MATN4: variants seen among roughly 807,000 people sequenced by gnomAD.
MATN4 encodes the protein matrilin-4.
Under a neutral mutation model 54.6 loss-of-function variants are expected in MATN4, and 40 were observed. The ratio of observed to expected loss-of-function variants is 0.73; its 90% CI spans 0.57 to 0.95. MATN4 has a LOEUF of 0.95. MATN4 is among the 40% of genes least tolerant of loss of function. The pLI is 0.00. For missense variants in MATN4, 810 were observed against 819.1 expected (o/e 0.99, Z 0.13); for synonymous variants, 351 against 345.3 (o/e 1.02, Z -0.18).
chr20:45,306,849 A>G (rs1986729320), intron 1 of MATN4: 1 of 1,122,866 alleles, frequency 8.9e-7, no homozygotes, highest in East Asian at 3.2e-5. Context: ...AGGGGTGTGC[A>G]GGGTTCCAGC....
chr20:45,305,434 A>AGGAGGAGCTGGCTGCAGAG (rs1986544296), intron 2 of MATN4, 76 bp downstream of exon 2: 2 of 1,157,954 alleles, frequency 1.7e-6, no homozygotes, highest in Non-Finnish European at 2.5e-6. Flanking sequence ...TCTCCCCAGC[A>AGGAGGAGCTGGCTGCAGAG]GGAGGAGCTG....
intron 1 of MATN4, chr20:45,306,747 G>C: frequency 2.2e-6 from 1 of 453,302 alleles, no homozygotes; most frequent in Non-Finnish European, 3.7e-6. Flanking sequence ...CTGCCCAGCA[G>C]GTGCGCCCAC....
Position 45,300,909 on chromosome 20 carries a change from C to T in MATN4, c.990G>A (p.Gln330=), listed in dbSNP as rs1986180081. ...RCLCPEGRQL[Q]ADGKSCNRCR... The stretch of plus-strand genomic sequence containing the variant: ...CACGGTTGCAGCTCTTGCCATCTGC[C>T]TGAAGTTGCCGCCCCTCGGGGCACA... Residue 330 remains glutamine, a synonymous_variant, in exon 6 of 10, where the codon CAG becomes CAA. Transcript: ENST00000372756. 1 of 1,613,310 alleles carries T rather than the reference C, an allele frequency of 6.2e-7. No homozygotes were observed. Among genetic ancestry groups the T allele is most frequent in the Non-Finnish European group, 8.5e-7 (1 of 1,180,032 alleles).
At chr20:45,297,602 C>A (rs1985924023) in intron 8 of MATN4, among the ~76,000 whole-genome samples, 1 of 152,136 alleles carries the variant, frequency 6.6e-6, no homozygotes, top group Admixed American at 6.5e-5. Context: ...TCTGAACCTC[C>A]ACTGATTTGG....
chr20:45,298,421 C>A lies in MATN4; in HGVS notation c.1175G>T (p.Arg392Leu), dbSNP rs1016514539. The A allele has an allele frequency of 6.2e-7, 1 of 1,613,122 alleles. No homozygotes were observed. Residue 392 changes from arginine to leucine, a missense_variant, in exon 7 of 10, where the codon CGC (arginine) becomes CTC (leucine). Arg to Leu is a moderately radical substitution (Grantham distance 102). Coordinates refer to ENST00000372756, the MANE Select transcript of MATN4 (RefSeq NM_001393530.1). This position sits in a 1 kb window ranked among gnomAD's most constrained non-coding sequence, Gnocchi z 4.6. ...TRVGLVQFSS[R>L]VRTEFPLGRY... Reference sequence around the variant, plus strand: ...ACCCAGAGGGAACTCGGTGCGCACGCGGCTCGAGAACTGCACCAGCCCCAC... The same window carrying A: ...ACCCAGAGGGAACTCGGTGCGCACGAGGCTCGAGAACTGCACCAGCCCCAC...
upstream of MATN4, chr20:45,308,308 C>A: frequency 8.4e-7 from 1 of 1,191,944 alleles, no homozygotes; most frequent in Non-Finnish European, 1.3e-6. Flanking sequence ...CTGGAGCACA[C>A]AGAGGCAACG....
rs763077386 is a variant in MATN4, at chr20:45,301,315, G to C, written c.766+6C>G. On this transcript the variant is annotated splice_donor_region_variant and intron_variant, in intron 4 of 9. Transcript: ENST00000372756. ...GGTGTGGTGGGAGGGTGGGGGTGTT[G>C]CTCACCCCTGCAGCTCCTCTGGTCC... The C allele has an allele frequency of 1.9e-6, 3 of 1,614,034 alleles. No individual in the cohort carries two copies. Among genetic ancestry groups the C allele is most frequent in the East Asian group, 2.2e-5 (1 of 44,890 alleles).
intron 8 of MATN4, among the ~76,000 whole-genome samples, chr20:45,294,698 T>C (rs1223847876): frequency 6.6e-6 from 1 of 152,182 alleles, no homozygotes; most frequent in East Asian, 1.9e-4. Flanking sequence ...ACAGCAGGGG[T>C]CCCCAATCCC....
At chr20:45,305,433 C>A (rs938761013) in intron 2 of MATN4, 77 bp downstream of exon 2, 8 of 1,156,920 alleles carry the variant, frequency 6.9e-6, no homozygotes, top group Non-Finnish European at 8.8e-6. Flanking sequence ...CTCTCCCCAG[C>A]AGGAGGAGCT....
intron 8 of MATN4, among the ~76,000 whole-genome samples, chr20:45,297,437 T>TAA (rs34773329): frequency 1.4e-5 from 2 of 141,882 alleles, no homozygotes; most frequent in Non-Finnish European, 1.6e-5. Flanking sequence ...TTGTCCCCAA[T>TAA]AAAAAAAAAA....
In MATN4 at chr20:45,294,000, G is replaced by A. The variant is rs1485930739; in HGVS notation, c.1595C>T (p.Ala532Val). 6.2e-6 allele frequency: 10 copies of A among 1,602,010 alleles called. No homozygotes were observed. The highest frequency in any genetic ancestry group is 1.3e-5 in the African/African-American group (1 of 74,846). The change falls in exon 9 of 10, where the codon GCA (alanine) becomes GTA (valine). Residue 532 changes from alanine (A) to valine (V), a missense_variant. Transcript: ENST00000372756. ...GSICPEEGIS[A>V]GTELRSPCEC... is the part of the protein sequence containing the mutation. ...GCATGGGCTCCGAAGCTCTGTCCCT[G>A]CGCTGATGCCCTCCTCTGCAAGCCG...
rs758735302 is a variant in MATN4 at position 45,305,805 on chromosome 20, C to CT, written c.-34-190dup. Among the ~76,000 whole-genome samples, 34 of 64,686 alleles carry CT rather than the reference C, an allele frequency of 5.3e-4. 6 individuals carry two copies. The highest frequency in any genetic ancestry group is 0.015 in the Middle Eastern group (1 of 66). 42.4% of individuals were successfully genotyped at this position (64,686 alleles called of 152,430 possible). A position where few individuals can be genotyped will look rare whatever the true frequency, so the allele number is the denominator to read the frequency against. On this transcript the variant is annotated intron_variant, in intron 1 of 9. Coordinates refer to ENST00000372756, the MANE Select transcript of MATN4 (RefSeq NM_001393530.1). ...GGATTGCTGGGAAACACAAGAGATT[C>CT]TTTTTTTTTTTTTTTTTAGATAGAG...
At chr20:45,297,504 G>C (rs113891749) in intron 8 of MATN4, among the ~76,000 whole-genome samples, 2,020 of 152,114 alleles carry the variant, frequency 0.013, 42 homozygotes, top group African/African-American at 0.046. Flanking sequence ...AGTTCATAAG[G>C]TTGAATTCTA....
intron 8 of MATN4, among the ~76,000 whole-genome samples, chr20:45,294,299 A>C (rs1367177357): frequency 6.6e-6 from 1 of 151,974 alleles, no homozygotes; most frequent in Non-Finnish European, 1.5e-5. Flanking sequence ...CTCACGCACA[A>C]CTTACAAGAC....
intron 8 of MATN4, among the ~76,000 whole-genome samples, chr20:45,296,742 G>A (rs1220214800): frequency 6.6e-6 from 1 of 152,212 alleles, no homozygotes; most frequent in Non-Finnish European, 1.5e-5. Context: ...TGAGAGCGGG[G>A]AGGGAAGGAG....
intron 6 of MATN4, among the ~76,000 whole-genome samples, chr20:45,299,557 G>A (rs1009069957): frequency 1.3e-5 from 2 of 152,140 alleles, no homozygotes; most frequent in Non-Finnish European, 2.9e-5. Context: ...ATGAGGACAT[G>A]AGGGTACAGC....
At chr20:45,305,805 C>CTTTGTTTTTTTTTTTTTTTTTT (rs1986595069) in intron 1 of MATN4, among the ~76,000 whole-genome samples, 189 bp from the exon 2 acceptor site, 1 of 64,676 alleles carries the variant, frequency 1.5e-5, no homozygotes, top group Non-Finnish European at 2.6e-5. Context: ...ACAAGAGATT[C>CTTTGTTTTTTTTTTTTTTTTTT]TTTTTTTTTT....
chr20:45,294,834 G>A (rs559677031), intron 8 of MATN4, among the ~76,000 whole-genome samples: 87 of 152,258 alleles, frequency 5.7e-4, no homozygotes, highest in African/African-American at 2.0e-3. Flanking sequence ...ATTTATAGCT[G>A]CTCCTCATTG....
rs779314396 is a variant in MATN4, at chr20:45,307,652, C to G, written c.-35+523G>C. On this transcript the variant is annotated intron_variant, in intron 1 of 9. Transcript: ENST00000372756. ...TCTGAGCCAACTTCTCACCTGGCAC[C>G]CTGCCTCCACCCCAGGAATCCTAGA... is the stretch of plus-strand genomic sequence containing the variant. Among the ~76,000 whole-genome samples, 22 of 152,338 alleles carry G rather than the reference C, an allele frequency of 1.4e-4. 1 individual carries two copies. The highest frequency in any genetic ancestry group is 2.6e-4 in the Non-Finnish European group (18 of 68,034).
Sources: allele counts gnomAD v4.1 joint callset (sites outside exome capture counted in the v4.1 genomes callset), GRCh38; gene constraint gnomAD v4.1.1; non-coding constraint Gnocchi (gnomAD v3.1); transcripts MANE v1.5; gene names NCBI Gene and HGNC (gene_info 2026-07-23, HGNC 2026-07-21).